The following SGCZ variants were observed in gnomAD, a reference collection of about 807,000 sequenced individuals.
SGCZ encodes sarcoglycan zeta.
Under a neutral mutation model 41.3 loss-of-function variants are expected in SGCZ, and 40 were observed. The ratio of observed to expected loss-of-function variants is 0.97; its 90% CI spans 0.75 to 1.26. The LOEUF is 1.26. Ranked by LOEUF, SGCZ falls within the 50% of genes most tolerant of loss-of-function variation. The probability of loss-of-function intolerance (pLI) is 0.00; values close to 1 mark genes in which losing one functional copy is unlikely to be tolerated. For synonymous variants in SGCZ, 206 were observed against 137.5 expected (o/e 1.50, Z -3.49); for missense variants, 552 against 369.8 (o/e 1.49, Z -4.04).
At chr8:14,397,003 A>G (rs1295634556) in intron 2 of SGCZ, among the ~76,000 whole-genome samples, 3 of 152,194 alleles carry the variant, frequency 2.0e-5, no homozygotes, top group Admixed American at 2.0e-4. Flanking sequence ...AAATGTTCCT[A>G]TAGCAAAGTT....
intron 1 of SGCZ, among the ~76,000 whole-genome samples, chr8:14,574,810 A>G (rs141355306): frequency 8.6e-4 from 131 of 152,350 alleles, no homozygotes; most frequent in South Asian, 1.7e-3. Context: ...CACTACAGTA[A>G]TATTTCAGGC....
At chr8:15,050,290 G>A (rs1244371294) in intron 1 of SGCZ, among the ~76,000 whole-genome samples, 1 of 152,116 alleles carries the variant, frequency 6.6e-6, no homozygotes, top group Non-Finnish European at 1.5e-5. Context: ...ACTGTGAGAT[G>A]ATATCAAAGA....
intron 1 of SGCZ, among the ~76,000 whole-genome samples, chr8:15,136,623 T>C (rs1393822132): frequency 6.6e-6 from 1 of 151,924 alleles, no homozygotes; most frequent in East Asian, 1.9e-4. Flanking sequence ...ATAATGAGAG[T>C]CTCATAAGAT....
intron 1 of SGCZ, among the ~76,000 whole-genome samples, chr8:14,758,669 C>T (rs1419889998): frequency 6.6e-6 from 1 of 152,180 alleles, no homozygotes; most frequent in Non-Finnish European, 1.5e-5. Context: ...CAAATAACTA[C>T]ATTAAAGCGA....
rs922243669 is a variant in SGCZ at position 14,521,741 on chromosome 8, C to T, written c.234+32991G>A. Among the ~76,000 whole-genome samples, 5 of 152,142 alleles carry T rather than the reference C, an allele frequency of 3.3e-5. No homozygotes were observed. In the South Asian group the frequency reaches 6.2e-4, roughly 19 times the overall value. On this transcript the variant is annotated intron_variant, in intron 2 of 7. Coordinates refer to ENST00000382080, the MANE Select transcript of SGCZ (RefSeq NM_139167.4). ...TCCAAACGGCTATATCAATTTAGAACGGCTGTTCCATTTTACATTGCCACC... is the reference window on the plus strand; with the variant it reads ...TCCAAACGGCTATATCAATTTAGAATGGCTGTTCCATTTTACATTGCCACC...
rs1554517470 is a variant in SGCZ, at chr8:14,886,030, T to TATAC, written c.40-331105_40-331104insGTAT. ...ATATATATATATATATATATATATA[T>TATAC]ATATAAAATTGTATACTTAGCTTTT... On this transcript the variant is annotated intron_variant, in intron 1 of 7. Coordinates refer to ENST00000382080, the MANE Select transcript of SGCZ (RefSeq NM_139167.4). Among the ~76,000 whole-genome samples the TATAC allele has an allele frequency of 7.2e-3, 712 of 98,906 alleles. 27 individuals are homozygous for TATAC. The highest frequency in any genetic ancestry group is 0.01 in the East Asian group (36 of 3,450). The allele number at this position is 98,906 out of a possible 152,430, so 64.9% of individuals were successfully genotyped here.
At chr8:14,291,872 A>G (rs1261159507) in intron 3 of SGCZ, among the ~76,000 whole-genome samples, 4 of 151,976 alleles carry the variant, frequency 2.6e-5, no homozygotes, top group African/African-American at 9.7e-5. Context: ...TCTTCCACTT[A>G]CCAAAAACAG....
chr8:15,070,774 T>G (rs1436161948), intron 1 of SGCZ, among the ~76,000 whole-genome samples: 1 of 152,210 alleles, frequency 6.6e-6, no homozygotes, highest in Non-Finnish European at 1.5e-5. Context: ...AGTCTTCTAG[T>G]TGAATGAGTG....
intron 1 of SGCZ, among the ~76,000 whole-genome samples, chr8:14,865,626 G>A (rs1253663351): frequency 6.6e-6 from 1 of 152,044 alleles, no homozygotes; most frequent in African/African-American, 2.4e-5. Flanking sequence ...GATGTTCATG[G>A]GATGTGCGCT....
At chr8:14,189,398 G>A (rs1414450141) in intron 4 of SGCZ, among the ~76,000 whole-genome samples, 1 of 152,124 alleles carries the variant, frequency 6.6e-6, no homozygotes. Flanking sequence ...AACACGGTCT[G>A]GAAGACCTCT....
chr8:14,313,901 A>G (rs1036660371), intron 3 of SGCZ, among the ~76,000 whole-genome samples: 1 of 138,486 alleles, frequency 7.2e-6, no homozygotes, highest in African/African-American at 2.7e-5. Flanking sequence ...ATAGGGTTAT[A>G]TCATCTCTCT....
At chr8:14,389,510 A>T (rs570993545) in intron 2 of SGCZ, among the ~76,000 whole-genome samples, 4 of 151,736 alleles carry the variant, frequency 2.6e-5, no homozygotes, top group South Asian at 2.1e-4. Flanking sequence ...AAAAGTCATG[A>T]TAATCACAAA....
At chr8:15,125,004 G>A (rs1807628977) in intron 1 of SGCZ, among the ~76,000 whole-genome samples, 1 of 151,996 alleles carries the variant, frequency 6.6e-6, no homozygotes, top group Non-Finnish European at 1.5e-5. Context: ...GTTATATATA[G>A]TAACCTTTTA....
chr8:14,909,768 A>G (rs964143153), intron 1 of SGCZ, among the ~76,000 whole-genome samples: 7 of 152,114 alleles, frequency 4.6e-5, no homozygotes, highest in African/African-American at 1.7e-4. Flanking sequence ...ATTATACCTC[A>G]TTCTCTTCAA....
intron 2 of SGCZ, among the ~76,000 whole-genome samples, chr8:14,498,908 T>C (rs1252977670): frequency 6.7e-6 from 1 of 150,148 alleles, no homozygotes; most frequent in Non-Finnish European, 1.5e-5. Context: ...TCTTAGTCAT[T>C]TTTTTTTTTC....
intron 1 of SGCZ, among the ~76,000 whole-genome samples, chr8:14,577,675 A>G (rs1165208117): frequency 6.6e-6 from 1 of 152,144 alleles, no homozygotes; most frequent in Non-Finnish European, 1.5e-5. Flanking sequence ...GCCGTGAGCC[A>G]CGGCGCCTGG....
At chr8:14,588,094 T>C (rs1805119007) in intron 1 of SGCZ, among the ~76,000 whole-genome samples, 1 of 152,124 alleles carries the variant, frequency 6.6e-6, no homozygotes, top group African/African-American at 2.4e-5. Context: ...TAGAGATCAT[T>C]AATTCAGACT....
At position 14,917,838 on chromosome 8, in the gene SGCZ, A is replaced by G. The variant is rs144711296; in HGVS notation, c.39+319747T>C. On this transcript the variant is annotated intron_variant, in intron 1 of 7. Coordinates refer to ENST00000382080, the MANE Select transcript of SGCZ (RefSeq NM_139167.4). Reference sequence around the variant, plus strand: ...CACATGTGCCTTTCTCACATCATTAATTAGGAGGTTAGTATAAGATATGGA... The same window carrying G: ...CACATGTGCCTTTCTCACATCATTAGTTAGGAGGTTAGTATAAGATATGGA... Among the ~76,000 whole-genome samples, 392 of 152,248 alleles carry G rather than the reference A, an allele frequency of 2.6e-3. 2 individuals carry two copies. The highest frequency in any genetic ancestry group is 4.4e-3 in the Non-Finnish European group (298 of 67,990).
chr8:14,730,357 G>A (rs1446331195), intron 1 of SGCZ, among the ~76,000 whole-genome samples: 2 of 152,118 alleles, frequency 1.3e-5, no homozygotes, highest in Non-Finnish European at 2.9e-5. Context: ...GTATACTGGG[G>A]TGGAGTGAGG....
Sources: gnomAD v4.1 joint callset for allele counts (sites outside exome capture counted in the v4.1 genomes callset) on GRCh38, gnomAD v4.1.1 for gene constraint, MANE v1.5 for transcripts, NCBI Gene and HGNC (gene_info 2026-07-23, HGNC 2026-07-21) for gene names.